Variants in RALGAPA1 observed in about 807,000 individuals in gnomAD.
RALGAPA1 encodes the protein Ral GTPase activating protein catalytic subunit alpha 1.
In RALGAPA1, 52 loss-of-function variants were observed where a neutral mutation model predicts 269.6. That is an observed-to-expected ratio of 0.19 (90% CI 0.15 to 0.24). RALGAPA1 has a LOEUF of 0.24. RALGAPA1 is among the 10% of genes least tolerant of loss of function. RALGAPA1 has a pLI of 1.00. For missense variants in RALGAPA1, 1,917 were observed against 3,013.9 expected, an observed-to-expected ratio of 0.64 and a Z score of 8.52; for synonymous variants, 817 against 1,008.3, an observed-to-expected ratio of 0.81 and a Z score of 3.60.
Position 35,809,075 on chromosome 14 carries a change from TCCCGGCCCTGCACGGAGCGAGGCAGA to T in RALGAPA1, c.-266_-241del, listed in dbSNP as rs2077569489. On this transcript the variant is annotated 5_prime_UTR_variant, in exon 1 of 42. Transcript: ENST00000680220. ...CCAGCTCCAATATGGCGGATCCCTC[TCCCGGCCCTGCACGGAGCGAGGCAGA>T]CCCGGGCTGGCCGCCTGCCGCCGCC... 1 of 590,498 alleles carries T rather than the reference TCCCGGCCCTGCACGGAGCGAGGCAGA, an allele frequency of 1.7e-6. No individual in the cohort carries two copies. Among genetic ancestry groups the T allele is most frequent in the African/African-American group, 1.9e-5 (1 of 52,622 alleles). The allele number at this position is 590,498 out of a possible 1,614,324, so 36.6% of individuals were successfully genotyped here.
chr14:35,751,659 T>C (rs1421836592), intron 8 of RALGAPA1, among the ~76,000 whole-genome samples: 1 of 151,930 alleles, frequency 6.6e-6, no homozygotes, highest in Non-Finnish European at 1.5e-5. Context: ...TGCATGACTG[T>C]TGTCCTAGCT....
chr14:35,773,872 A>G (rs950554389), intron 3 of RALGAPA1, among the ~76,000 whole-genome samples: 2 of 152,102 alleles, frequency 1.3e-5, no homozygotes, highest in African/African-American at 4.8e-5. Context: ...GAGGTTGTTC[A>G]AATTCTAAAT....
intron 36 of RALGAPA1, among the ~76,000 whole-genome samples, chr14:35,598,347 G>C (rs28786544): frequency 0.13 from 19,690 of 151,566 alleles, 1,329 homozygotes; most frequent in African/African-American, 0.14. Context: ...TTTGATTGAT[G>C]TTTGCACAAT....
chr14:35,649,545 C>G (rs2062673028), intron 31 of RALGAPA1, among the ~76,000 whole-genome samples: 1 of 152,176 alleles, frequency 6.6e-6, no homozygotes, highest in South Asian at 2.1e-4. Context: ...TATGGAACTG[C>G]CTAGTTGTTT....
chr14:35,640,950 AT>A (rs34108896), intron 31 of RALGAPA1, among the ~76,000 whole-genome samples: 52,346 of 151,988 alleles, frequency 0.34, 12,482 homozygotes, highest in African/African-American at 0.67. Context: ...AATGTGATAC[AT>A]TTTTGTCAAC....
At chr14:35,658,994 A>G in intron 28 of RALGAPA1, 144 bp downstream of exon 28, 1 of 451,124 alleles carries the variant, frequency 2.2e-6, no homozygotes, top group South Asian at 6.8e-5. Context: ...AAGTAAGAAT[A>G]CTTAATTATT....
chr14:35,573,592 T>A (rs910805025), intron 37 of RALGAPA1, among the ~76,000 whole-genome samples: 3 of 152,184 alleles, frequency 2.0e-5, no homozygotes, highest in African/African-American at 7.2e-5. Flanking sequence ...CTCAGAAATA[T>A]GTCATTTATT....
intron 31 of RALGAPA1, among the ~76,000 whole-genome samples, chr14:35,639,333 G>T (rs1442916167): frequency 6.6e-6 from 1 of 152,174 alleles, no homozygotes; most frequent in Non-Finnish European, 1.5e-5. Context: ...AATAATAGCT[G>T]AAGACTTAAA....
At chr14:35,570,936 T>C (rs2057137336) in intron 38 of RALGAPA1, among the ~76,000 whole-genome samples, 192 bp from the exon 39 acceptor site, 1 of 152,220 alleles carries the variant, frequency 6.6e-6, no homozygotes, top group African/African-American at 2.4e-5. Flanking sequence ...TGTCAAAGGT[T>C]TATAGGGTGT....
At chr14:35,726,478 T>G (rs1442740583) in intron 13 of RALGAPA1, among the ~76,000 whole-genome samples, 2 of 152,194 alleles carry the variant, frequency 1.3e-5, no homozygotes, top group South Asian at 4.1e-4. Context: ...AAAATGATTT[T>G]AATTAATAAA....
intron 1 of RALGAPA1, among the ~76,000 whole-genome samples, chr14:35,787,926 A>G (rs1004592843): frequency 2.6e-5 from 4 of 151,934 alleles, no homozygotes; most frequent in Non-Finnish European, 4.4e-5. Context: ...GAAGAACAGA[A>G]TCTAAACCAC....
intron 33 of RALGAPA1, 133 bp downstream of exon 33, chr14:35,634,441 G>C (rs377732861): frequency 1.4e-5 from 7 of 518,408 alleles, no homozygotes; most frequent in East Asian, 9.9e-5. Flanking sequence ...TAATGAACTT[G>C]TGCTATACAT....
intron 39 of RALGAPA1, among the ~76,000 whole-genome samples, chr14:35,570,245 G>A (rs769912213): frequency 6.6e-6 from 1 of 151,266 alleles, no homozygotes; most frequent in Admixed American, 6.6e-5. Flanking sequence ...ACTCCAGCCT[G>A]GGTGACAAAA....
intron 25 of RALGAPA1, 58 bp downstream of exon 25, chr14:35,672,809 G>A (rs2064584803): frequency 7.2e-7 from 1 of 1,388,416 alleles, no homozygotes; most frequent in Admixed American, 2.9e-5. Flanking sequence ...ACAGAATCAA[G>A]AATCAAAGAT....
intron 1 of RALGAPA1, among the ~76,000 whole-genome samples, chr14:35,794,251 G>A (rs1164854420): frequency 6.6e-6 from 1 of 152,084 alleles, no homozygotes; most frequent in Admixed American, 6.6e-5. Context: ...GAGGCGGTCA[G>A]ATAACTTGAG....
At chr14:35,552,510 T>C (rs2055120455) in intron 39 of RALGAPA1, among the ~76,000 whole-genome samples, 1 of 151,980 alleles carries the variant, frequency 6.6e-6, no homozygotes, top group Non-Finnish European at 1.5e-5. Context: ...CCATTGGCAT[T>C]GAAATTAAAA....
chr14:35,751,875 T>C, intron 8 of RALGAPA1, 149 bp downstream of exon 8: 1 of 1,068,160 alleles, frequency 9.4e-7, no homozygotes, highest in East Asian at 3.6e-5. Context: ...ATAAATTTGC[T>C]TTCAGTATGA....
At chr14:35,672,791 A>G (rs1162179787) in intron 25 of RALGAPA1, 76 bp downstream of exon 25, 2 of 1,327,324 alleles carry the variant, frequency 1.5e-6, no homozygotes, top group Non-Finnish European at 2.0e-6. Context: ...TTAAAAAGCA[A>G]GAGTTAAACA....
At chr14:35,606,312 G>C (rs1460569507) in intron 35 of RALGAPA1, among the ~76,000 whole-genome samples, 1 of 152,144 alleles carries the variant, frequency 6.6e-6, no homozygotes, top group Non-Finnish European at 1.5e-5. Flanking sequence ...TTGGCTATCA[G>C]GTATATCCTA....
Sources: gnomAD v4.1 joint callset for allele counts (sites outside exome capture counted in the v4.1 genomes callset) on GRCh38, gnomAD v4.1.1 for gene constraint, MANE v1.5 for transcripts, NCBI Gene and HGNC (gene_info 2026-07-23, HGNC 2026-07-21) for gene names.